The following ANKRD30A variants were observed in gnomAD, a reference collection of about 807,000 sequenced individuals.
ANKRD30A encodes ankyrin repeat domain-containing protein 30A.
ANKRD30A carries 170 observed loss-of-function variants against 166.3 expected under a neutral mutation model. The ratio of observed to expected loss-of-function variants is 1.02; its 90% confidence interval spans 0.90 to 1.16. The LOEUF (loss-of-function observed/expected upper bound fraction) is 1.16. Among genes scored for constraint, ANKRD30A ranks in the 50% most tolerant of loss-of-function variants. ANKRD30A has a pLI of 0.00. For missense variants in ANKRD30A, 1,630 were observed against 1,518.0 expected (o/e 1.07, Z -1.23); for synonymous variants, 564 against 508.9 (o/e 1.11, Z -1.46).
chr10:37,241,265 A>G, the ANKRD30A span: 3 of 151,154 alleles, frequency 2.0e-5, no homozygotes, highest in African/African-American at 4.8e-5. Flanking sequence ...AAAGCATCAG[A>G]AAAAAAAGGT....
intron 31 of ANKRD30A, among the ~76,000 whole-genome samples, chr10:37,206,780 T>G (rs1002388470): frequency 1.3e-5 from 2 of 151,836 alleles, no homozygotes; most frequent in African/African-American, 4.8e-5. Flanking sequence ...GGTGGCAGAG[T>G]GAGACTCCCA....
chr10:37,197,827 T>G (rs377132045), intron 29 of ANKRD30A, among the ~76,000 whole-genome samples: 2 of 152,040 alleles, frequency 1.3e-5, no homozygotes, highest in East Asian at 3.9e-4. Context: ...ATTCCACGGT[T>G]TATTTCGGGG....
At chr10:37,139,310 G>A (rs1317133106) in intron 6 of ANKRD30A, among the ~76,000 whole-genome samples, 1 of 152,184 alleles carries the variant, frequency 6.6e-6, no homozygotes, top group Admixed American at 6.5e-5. Flanking sequence ...AGACACCAAG[G>A]AAGATGCTGT....
At chr10:37,223,629 A>C (rs569797706) in intron 34 of ANKRD30A, among the ~76,000 whole-genome samples, 164 of 151,548 alleles carry the variant, frequency 1.1e-3, no homozygotes, top group African/African-American at 3.5e-3. Flanking sequence ...AATGATACTA[A>C]TGAAAGTATA....
chr10:37,202,887 G>A (rs1310222406), intron 31 of ANKRD30A, among the ~76,000 whole-genome samples: 2 of 152,094 alleles, frequency 1.3e-5, no homozygotes, highest in Admixed American at 6.6e-5. Flanking sequence ...GGAGAATCTA[G>A]AAAAAATGGA....
intron 5 of ANKRD30A, 133 bp from the exon 6 acceptor site, chr10:37,136,474 A>G (rs760257197): frequency 8.6e-6 from 4 of 462,728 alleles, no homozygotes; most frequent in South Asian, 2.4e-5. Flanking sequence ...CTTAAAGTCT[A>G]TGGAATAAGT....
intron 34 of ANKRD30A, among the ~76,000 whole-genome samples, chr10:37,221,575 G>A (rs1842900712): frequency 6.6e-6 from 1 of 151,190 alleles, no homozygotes; most frequent in African/African-American, 2.4e-5. Flanking sequence ...TCTTTTATAT[G>A]TCATTATAGT....
Position 37,190,712 on chromosome 10 carries a change from C to T in ANKRD30A, c.2512+1155C>T, listed in dbSNP as rs71489121. ...TTTAGAAAAGTTTTACTGCAGAGTG[C>T]TAGAGTGTGGGTGCTCTGGAGACTA... On this transcript the variant is annotated intron_variant, in intron 25 of 35. Transcript: ENST00000361713. Among the ~76,000 whole-genome samples, 62 of 151,678 alleles carry T rather than the reference C, an allele frequency of 4.1e-4. 1 individual carries two copies. The highest frequency in any genetic ancestry group is 8.3e-4 in the African/African-American group (34 of 41,192).
intron 31 of ANKRD30A, among the ~76,000 whole-genome samples, chr10:37,206,821 A>C (rs1461864873): frequency 7.0e-6 from 1 of 143,804 alleles, no homozygotes; most frequent in Non-Finnish European, 1.5e-5. Flanking sequence ...AAAAAATAAA[A>C]ATTTCTTAGA....
the ANKRD30A span, among the ~76,000 whole-genome samples, chr10:37,244,143 G>A: frequency 1.3e-5 from 2 of 152,274 alleles, no homozygotes; most frequent in African/African-American, 4.8e-5. Flanking sequence ...AGCTTCTCCT[G>A]GCAGTTTTGG....
At chr10:37,198,071 CTT>C (rs1259813093) in intron 29 of ANKRD30A, among the ~76,000 whole-genome samples, 1 of 151,980 alleles carries the variant, frequency 6.6e-6, no homozygotes, top group African/African-American at 2.4e-5. Context: ...GATAAACACA[CTT>C]TTTCATGAAA....
chr10:37,248,915 T>C, the ANKRD30A span, among the ~76,000 whole-genome samples: 47 of 152,142 alleles, frequency 3.1e-4, no homozygotes, highest in African/African-American at 1.1e-3. Context: ...TCCTGGCCAG[T>C]GCAGGGGTGA....
intron 27 of ANKRD30A, among the ~76,000 whole-genome samples, chr10:37,196,372 G>T (rs1359738072): frequency 1.3e-5 from 2 of 152,002 alleles, no homozygotes; most frequent in African/African-American, 4.8e-5. Flanking sequence ...GTTGATGTTA[G>T]CTATTGAAAT....
chr10:37,230,693 T>C (rs912596721), intron 34 of ANKRD30A, among the ~76,000 whole-genome samples: 2 of 152,114 alleles, frequency 1.3e-5, no homozygotes, highest in African/African-American at 4.8e-5. Context: ...ATAGTGGTCT[T>C]GGGTATTATC....
the ANKRD30A span, among the ~76,000 whole-genome samples, chr10:37,249,416 T>C: frequency 1.3e-5 from 2 of 152,082 alleles, no homozygotes; most frequent in Non-Finnish European, 2.9e-5. Context: ...AGTAAGTAAA[T>C]AGAGCTAAGA....
the ANKRD30A span, among the ~76,000 whole-genome samples, chr10:37,258,033 G>A: frequency 6.6e-6 from 1 of 152,184 alleles, no homozygotes; most frequent in South Asian, 2.1e-4. Flanking sequence ...TTAAAAGCCA[G>A]ATGACAGGTT....
At chr10:37,158,298 A>G (rs1838538284) in intron 13 of ANKRD30A, 94 bp from the exon 14 acceptor site, 2 of 1,492,468 alleles carry the variant, frequency 1.3e-6, no homozygotes, top group Non-Finnish European at 1.8e-6. Flanking sequence ...CAATCCAAGC[A>G]TGAGGATTCA....
chr10:37,259,600 C>A, the ANKRD30A span, among the ~76,000 whole-genome samples: 1 of 152,294 alleles, frequency 6.6e-6, no homozygotes, highest in Middle Eastern at 3.4e-3. Context: ...AGTTGTGCAT[C>A]AATGGTAGAA....
intron 13 of ANKRD30A, among the ~76,000 whole-genome samples, chr10:37,157,621 C>T (rs1043344677): frequency 6.6e-6 from 1 of 152,146 alleles, no homozygotes; most frequent in African/African-American, 2.4e-5. Context: ...GATCCGCCCT[C>T]CTCAGCCTTC....
Sources: gnomAD v4.1 joint callset for allele counts (sites outside exome capture counted in the v4.1 genomes callset) on GRCh38, gnomAD v4.1.1 for gene constraint, MANE v1.5 for transcripts, NCBI Gene and HGNC (gene_info 2026-07-23, HGNC 2026-07-21) for gene names.